CYYR1: variants seen among roughly 807,000 people sequenced by gnomAD.
CYYR1 encodes cysteine and tyrosine rich 1.
Under a neutral mutation model 15.2 loss-of-function variants are expected in CYYR1, and 14 were observed. The ratio of observed to expected loss-of-function variants is 0.92; its 90% confidence interval spans 0.61 to 1.44. CYYR1 has a LOEUF of 1.44. CYYR1 is among the 40% of genes most tolerant of loss of function. The probability of loss-of-function intolerance (pLI) is 0.00; values close to 1 mark genes in which losing one functional copy is unlikely to be tolerated. For synonymous variants in CYYR1, 80 were observed against 77.4 expected (o/e 1.03, Z -0.18); for missense variants, 228 against 209.5 (o/e 1.09, Z -0.54).
chr21:26,539,039 C>T (rs563858958), intron 2 of CYYR1, among the ~76,000 whole-genome samples: 4 of 152,156 alleles, frequency 2.6e-5, no homozygotes, highest in Middle Eastern at 3.4e-3. Flanking sequence ...TAATGTGATA[C>T]GAAAACAACT....
intron 2 of CYYR1, among the ~76,000 whole-genome samples, chr21:26,560,270 G>T (rs2123712871): frequency 6.6e-6 from 1 of 152,222 alleles, no homozygotes; most frequent in Admixed American, 6.5e-5. Flanking sequence ...ATGGTATGTA[G>T]GAATATACCA....
At chr21:26,482,597 C>T (rs1469925051) in intron 2 of CYYR1, 1 of 770,254 alleles carries the variant, frequency 1.3e-6, no homozygotes, top group African/African-American at 1.9e-5. Context: ...TAAAAATCGA[C>T]TCAAAGGAAA....
intron 2 of CYYR1, among the ~76,000 whole-genome samples, chr21:26,509,218 C>T (rs1246744019): frequency 6.6e-6 from 1 of 152,158 alleles, no homozygotes; most frequent in Non-Finnish European, 1.5e-5. Flanking sequence ...TTCAGCTATA[C>T]TGACCTCTTT....
At chr21:26,564,532 A>G in intron 2 of CYYR1, 4 of 359,080 alleles carry the variant, frequency 1.1e-5, no homozygotes, top group Non-Finnish European at 1.6e-5. Flanking sequence ...GTGAGATTAA[A>G]GATATAGAAC....
intron 2 of CYYR1, among the ~76,000 whole-genome samples, chr21:26,494,087 T>C (rs1197247344): frequency 1.3e-5 from 2 of 152,234 alleles, no homozygotes; most frequent in Non-Finnish European, 2.9e-5. Flanking sequence ...TGGAATCTAA[T>C]TGGATCAGAC....
At chr21:26,499,464 C>T (rs2065451102) in intron 2 of CYYR1, among the ~76,000 whole-genome samples, 1 of 152,162 alleles carries the variant, frequency 6.6e-6, no homozygotes, top group Non-Finnish European at 1.5e-5. Context: ...GTCCCCAGAA[C>T]GTCAAGAGAA....
intron 2 of CYYR1, among the ~76,000 whole-genome samples, chr21:26,525,445 C>A (rs911500544): frequency 6.6e-6 from 1 of 152,140 alleles, no homozygotes; most frequent in Admixed American, 6.5e-5. Flanking sequence ...GAGGGCCTCC[C>A]GCCTTGAGCT....
chr21:26,541,719 G>C (rs967504570), intron 2 of CYYR1, among the ~76,000 whole-genome samples: 5 of 152,122 alleles, frequency 3.3e-5, no homozygotes, highest in African/African-American at 9.7e-5. Context: ...AGTTTGCATA[G>C]CATCTTATGT....
intron 2 of CYYR1, among the ~76,000 whole-genome samples, chr21:26,533,724 G>C (rs956654795): frequency 2.6e-5 from 4 of 152,080 alleles, no homozygotes; most frequent in African/African-American, 9.7e-5. Flanking sequence ...ATCACAATTA[G>C]GTTGTTGCTA....
At chr21:26,477,341 C>A (rs889971652) in intron 3 of CYYR1, among the ~76,000 whole-genome samples, 1 of 152,120 alleles carries the variant, frequency 6.6e-6, no homozygotes, top group African/African-American at 2.4e-5. Flanking sequence ...GAGAAGTAAT[C>A]ATGCACATTA....
intron 2 of CYYR1, among the ~76,000 whole-genome samples, chr21:26,502,017 TA>T (rs963471099): frequency 2.0e-5 from 3 of 151,970 alleles, no homozygotes; most frequent in Non-Finnish European, 2.9e-5. Context: ...ATAAAAGCAG[TA>T]AAAAAAATCT....
At chr21:26,545,366 T>C (rs1601815246) in intron 2 of CYYR1, among the ~76,000 whole-genome samples, 1 of 152,032 alleles carries the variant, frequency 6.6e-6, no homozygotes, top group Non-Finnish European at 1.5e-5. Context: ...GCCTCTTCTG[T>C]GTTCATCCCT....
At chr21:26,533,122 ATATT>A (rs925948847) in intron 2 of CYYR1, among the ~76,000 whole-genome samples, 2 of 150,744 alleles carry the variant, frequency 1.3e-5, no homozygotes, top group Non-Finnish European at 2.9e-5. Flanking sequence ...AATGGTAAAT[ATATT>A]TATTTATTAT....
At chr21:26,501,059 G>A (rs763183047) in intron 2 of CYYR1, among the ~76,000 whole-genome samples, 2 of 152,148 alleles carry the variant, frequency 1.3e-5, no homozygotes, top group Non-Finnish European at 2.9e-5. Context: ...AATCAGTAAG[G>A]CCGGGCGCAG....
chr21:26,546,596 C>T (rs905191983), intron 2 of CYYR1, among the ~76,000 whole-genome samples: 2 of 152,236 alleles, frequency 1.3e-5, no homozygotes, highest in African/African-American at 4.8e-5. Flanking sequence ...ACTGGAACCC[C>T]CAAATGGTGA....
In CYYR1 at chr21:26,496,324, A is replaced by G. The variant is rs527934137; in HGVS notation, c.177-15895T>C. Among the ~76,000 whole-genome samples, 197 of 152,364 alleles carry G rather than the reference A, an allele frequency of 1.3e-3. 1 individual carries two copies. The highest frequency in any genetic ancestry group is 4.0e-3 in the Admixed American group (61 of 15,302). On this transcript the variant is annotated intron_variant, in intron 2 of 3. Transcript: ENST00000652641. ...CTAGGACAGAGTCCAAAGGAAAGAA[A>G]TATCAGCTAGATTCAGATATGTGGA...
chr21:26,543,163 CG>C (rs1978693837), intron 2 of CYYR1, among the ~76,000 whole-genome samples: 2 of 152,162 alleles, frequency 1.3e-5, no homozygotes, highest in South Asian at 4.2e-4. Context: ...GGGAGGGGAA[CG>C]GCACACACTG....
At position 26,468,446 on chromosome 21, in the gene CYYR1, C is replaced by T. The variant is rs923880936; in HGVS notation, c.*55G>A. On this transcript the variant is annotated 3_prime_UTR_variant, in exon 4 of 4. Coordinates refer to ENST00000652641, the MANE Select transcript of CYYR1 (RefSeq NM_001320768.2). ...TTTCCTGCCTGTTTCTGAGTAGAGG[C>T]ATTTTATTCCAGGCAAGATCGCCCA... The T allele has an allele frequency of 9.9e-6, 11 of 1,116,010 alleles. No individual in the cohort carries two copies. The African/African-American group carries it at 1.2e-4, about 12-fold the overall frequency. The allele number at this position is 1,116,010 out of a possible 1,614,324, so 69.1% of individuals were successfully genotyped here.
rs71183563 is a variant in CYYR1 at position 26,567,008 on chromosome 21, CAAAAAAAA to C, written c.74-648_74-641del. Among the ~76,000 whole-genome samples the C allele has an allele frequency of 2.7e-3, 355 of 129,750 alleles. 1 individual carries two copies. Among genetic ancestry groups the C allele is most frequent in the Non-Finnish European group, 4.6e-3 (284 of 61,218 alleles). The allele number at this position is 129,750 out of a possible 152,430, so 85.1% of individuals were successfully genotyped here. A position where few individuals can be genotyped will look rare whatever the true frequency, so the allele number is the denominator to read the frequency against. On this transcript the variant is annotated intron_variant, in intron 1 of 3. Transcript: ENST00000652641. The stretch of plus-strand genomic sequence containing the variant: ...TGGGCGACACAGTGAGGCTCTGTCT[CAAAAAAAA>C]AAAAAAAAAAAAGAGTCTTCTTACT...
Sources: allele counts gnomAD v4.1 joint callset (sites outside exome capture counted in the v4.1 genomes callset), GRCh38; gene constraint gnomAD v4.1.1; transcripts MANE v1.5; gene names NCBI Gene and HGNC (gene_info 2026-07-23, HGNC 2026-07-21).